The following CHN1 variants were observed in gnomAD, a reference collection of about 807,000 sequenced individuals.
CHN1 encodes the protein chimerin 1, also known as N-chimaerin.
A neutral mutation model predicts 59.5 loss-of-function variants in CHN1; 37 were observed. The observed-to-expected ratio is 0.62, with a 90% CI of 0.48 to 0.82. The LOEUF is 0.82. CHN1 is among the 40% of genes least tolerant of loss of function. The probability of loss-of-function intolerance (pLI) is 0.00; values close to 1 mark genes in which losing one functional copy is unlikely to be tolerated. For synonymous variants in CHN1, 206 were observed against 200.4 expected (o/e 1.03, Z -0.24); for missense variants, 469 against 571.0 (o/e 0.82, Z 1.82).
At chr2:174,822,402 T>C (rs911022262) in intron 8 of CHN1, among the ~76,000 whole-genome samples, 6 of 152,198 alleles carry the variant, frequency 3.9e-5, no homozygotes, top group Non-Finnish European at 8.8e-5. Flanking sequence ...TCCAACATGA[T>C]TGGGGTTGTA....
chr2:174,990,260 TGTGAGAGAGAGA>T (rs1333778634), intron 1 of CHN1, among the ~76,000 whole-genome samples: 2 of 98,702 alleles, frequency 2.0e-5, no homozygotes, highest in East Asian at 2.8e-4. Flanking sequence ...TGTGTGTGTG[TGTGAGAGAGAGA>T]GAGAGAGAGA....
At chr2:174,971,554 T>C (rs1016675410) in intron 1 of CHN1, among the ~76,000 whole-genome samples, 1 of 152,174 alleles carries the variant, frequency 6.6e-6, no homozygotes, top group Non-Finnish European at 1.5e-5. Flanking sequence ...TAGAACACAA[T>C]AGTAAATTAT....
At chr2:174,849,031 G>GA (rs1422140999) in intron 6 of CHN1, among the ~76,000 whole-genome samples, 1 of 151,990 alleles carries the variant, frequency 6.6e-6, no homozygotes. Context: ...GTAGGAACCA[G>GA]AAAAAAACAG....
intron 1 of CHN1, among the ~76,000 whole-genome samples, chr2:174,958,339 T>G (rs948830504): frequency 2.0e-5 from 3 of 152,192 alleles, no homozygotes; most frequent in South Asian, 2.1e-4. Flanking sequence ...AAGTAATGTT[T>G]AGTGAGTTCT....
intron 5 of CHN1, among the ~76,000 whole-genome samples, chr2:174,911,566 T>C (rs1283295570): frequency 6.6e-6 from 1 of 152,140 alleles, no homozygotes; most frequent in Non-Finnish European, 1.5e-5. Context: ...CAGCCTAAAA[T>C]TTAGGCTGAG....
At chr2:174,906,891 T>C (rs1293641628) in intron 5 of CHN1, among the ~76,000 whole-genome samples, 1 of 152,170 alleles carries the variant, frequency 6.6e-6, no homozygotes, top group Non-Finnish European at 1.5e-5. Context: ...AAAACGGGTG[T>C]CTTTTTAAAA....
At chr2:174,973,025 C>T (rs1690806773) in intron 1 of CHN1, among the ~76,000 whole-genome samples, 1 of 152,160 alleles carries the variant, frequency 6.6e-6, no homozygotes, top group Admixed American at 6.5e-5. Context: ...CATAGCTTTA[C>T]TAGTGACCCA....
chr2:174,909,318 T>C (rs16862924), intron 5 of CHN1, among the ~76,000 whole-genome samples: 93 of 152,342 alleles, frequency 6.1e-4, no homozygotes, highest in African/African-American at 2.2e-3. Flanking sequence ...CCAGATTTTG[T>C]TTGGTCATTC....
intron 2 of CHN1, among the ~76,000 whole-genome samples, chr2:174,946,019 G>C (rs183663636): frequency 6.6e-6 from 1 of 152,072 alleles, no homozygotes; most frequent in Admixed American, 6.6e-5. Context: ...GTAACTGTGA[G>C]TACTTCTATG....
chr2:174,978,885 C>T (rs1691042255), intron 1 of CHN1, among the ~76,000 whole-genome samples: 1 of 152,156 alleles, frequency 6.6e-6, no homozygotes, highest in Non-Finnish European at 1.5e-5. Flanking sequence ...CCTTTAGTGA[C>T]TGAAGAGAAA....
At chr2:174,875,739 AGT>A (rs1247538988) in intron 6 of CHN1, 1 of 783,978 alleles carries the variant, frequency 1.3e-6, no homozygotes, top group Non-Finnish European at 1.5e-6. Context: ...AAACCATACT[AGT>A]GTCAATAGAT....
chr2:174,944,534 C>T (rs182090318), intron 3 of CHN1, among the ~76,000 whole-genome samples: 220 of 152,110 alleles, frequency 1.4e-3, no homozygotes, highest in African/African-American at 5.2e-3. Context: ...AAGCTAAATA[C>T]TTATTTCAAT....
chr2:174,957,053 G>A (rs753291918), intron 1 of CHN1, among the ~76,000 whole-genome samples: 2 of 151,974 alleles, frequency 1.3e-5, no homozygotes, highest in South Asian at 2.1e-4. Flanking sequence ...CGTATATACC[G>A]TTGATTCATT....
At chr2:174,923,123 G>T (rs904828435) in intron 3 of CHN1, among the ~76,000 whole-genome samples, 3 of 151,734 alleles carry the variant, frequency 2.0e-5, no homozygotes, top group African/African-American at 2.4e-5. Context: ...ACCTAATATC[G>T]CCTTTAACAA....
At chr2:174,881,029 A>G (rs1172763758) in intron 5 of CHN1, among the ~76,000 whole-genome samples, 1 of 150,322 alleles carries the variant, frequency 6.7e-6, no homozygotes, top group Non-Finnish European at 1.5e-5. Context: ...CTGGGCAACA[A>G]GAGTGAAACT....
At chr2:174,932,594 T>A (rs148467609) in intron 3 of CHN1, among the ~76,000 whole-genome samples, 131 of 152,320 alleles carry the variant, frequency 8.6e-4, no homozygotes, top group African/African-American at 3.0e-3. Flanking sequence ...TTTAGATCTG[T>A]GTCTCCACCC....
chr2:174,916,630 G>A (rs1190965924), intron 4 of CHN1, among the ~76,000 whole-genome samples: 1 of 152,148 alleles, frequency 6.6e-6, no homozygotes, highest in East Asian at 1.9e-4. Flanking sequence ...TGATAGGGAT[G>A]GTTCAGTCTC....
At chr2:174,800,718 G>A (rs574183160) in intron 12 of CHN1, among the ~76,000 whole-genome samples, 1 of 141,004 alleles carries the variant, frequency 7.1e-6, no homozygotes, top group Admixed American at 7.5e-5. Context: ...TCTAGGAAGA[G>A]AACAGCAGCG....
At chr2:174,866,669 G>C (rs1422763966) in intron 6 of CHN1, among the ~76,000 whole-genome samples, 1 of 152,178 alleles carries the variant, frequency 6.6e-6, no homozygotes, top group Non-Finnish European at 1.5e-5. Context: ...GCACACTGCA[G>C]ATGGAAATTA....
Sources: allele counts gnomAD v4.1 joint callset (sites outside exome capture counted in the v4.1 genomes callset), GRCh38; gene constraint gnomAD v4.1.1; transcripts MANE v1.5; gene names NCBI Gene and HGNC (gene_info 2026-07-23, HGNC 2026-07-21).